Variants in TJP2 observed in about 807,000 individuals in gnomAD.
The protein encoded by TJP2 is Friedreich ataxia region gene X104 (tight junction protein ZO-2).
In TJP2, 91 loss-of-function variants were observed where a neutral mutation model predicts 133.1. The observed-to-expected ratio is 0.68, with a 90% CI of 0.58 to 0.81. The LOEUF is 0.81. Among genes scored for constraint, TJP2 ranks in the 40% least tolerant of loss-of-function variants. The pLI is 0.00. For synonymous variants in TJP2, 592 were observed against 583.4 expected (o/e 1.01, Z -0.21); for missense variants, 1,541 against 1,565.6 (o/e 0.98, Z 0.26).
At position 69,249,412 on chromosome 9, in the gene TJP2, TGAG is replaced by T; in HGVS notation, c.2923_2925del (p.Arg975del). 3 of 1,611,942 alleles carry T rather than the reference TGAG, an allele frequency of 1.9e-6. No homozygotes were observed. Among genetic ancestry groups the T allele is most frequent in the Non-Finnish European group, 2.5e-6 (3 of 1,178,954 alleles). On this transcript the variant is annotated inframe_deletion, in exon 20 of 23. Transcript: ENST00000377245. ...CCCAGCCCAGAGCCACGAGCTCAGA[TGAG>T]GAGGGCTGCTAGCAGCGATCAACTT...
chr9:69,181,868 A>G (rs940720168), intron 1 of TJP2, among the ~76,000 whole-genome samples: 34 of 152,142 alleles, frequency 2.2e-4, no homozygotes, highest in African/African-American at 8.2e-4. Context: ...GTTGCAGCTT[A>G]AATTATGTAC....
chr9:69,156,680 C>T (rs943723531), intron 2 of TJP2, among the ~76,000 whole-genome samples: 3 of 151,732 alleles, frequency 2.0e-5, no homozygotes, highest in African/African-American at 4.8e-5. Flanking sequence ...TACAGGCGCC[C>T]GCCACTGCGC....
chr9:69,189,300 T>G (rs936108897), intron 1 of TJP2, among the ~76,000 whole-genome samples: 4 of 152,106 alleles, frequency 2.6e-5, no homozygotes, highest in African/African-American at 9.7e-5. Context: ...CACATACAAA[T>G]TTTGCTTCTT....
At chr9:69,175,456 T>G (rs1157063954) in intron 1 of TJP2, among the ~76,000 whole-genome samples, 1 of 152,228 alleles carries the variant, frequency 6.6e-6, no homozygotes, top group African/African-American at 2.4e-5. Flanking sequence ...CAGAAAGAGA[T>G]GTAATTTTCT....
At chr9:69,249,105 G>A in intron 19 of TJP2, 2 of 1,251,438 alleles carry the variant, frequency 1.6e-6, no homozygotes, top group Admixed American at 7.4e-5. Context: ...CTATAGACAT[G>A]GATATTAGTG....
Position 69,254,609 on chromosome 9 carries a change from GA to G in TJP2, c.*237del, listed in dbSNP as rs1203078711. The G allele has an allele frequency of 1.6e-6, 1 of 610,660 alleles. No individual in the cohort carries two copies. The highest frequency in any genetic ancestry group is 1.8e-5 in the African/African-American group (1 of 54,308). The allele number at this position is 610,660 out of a possible 1,614,324, so 37.8% of individuals were successfully genotyped here. A position where few individuals can be genotyped will look rare whatever the true frequency, so the allele number is the denominator to read the frequency against. On this transcript the variant is annotated 3_prime_UTR_variant, in exon 23 of 23. Transcript: ENST00000377245. Reference sequence around the variant, plus strand: ...GTGGCTTTTTGTTCAGAATTAAGCAGAACACTGCAGTCAGATCCTGTTACTT... The same window carrying G: ...GTGGCTTTTTGTTCAGAATTAAGCAGACACTGCAGTCAGATCCTGTTACTT...
At chr9:69,184,542 G>A (rs1246345760) in intron 1 of TJP2, among the ~76,000 whole-genome samples, 1 of 152,138 alleles carries the variant, frequency 6.6e-6, no homozygotes, top group African/African-American at 2.4e-5. Flanking sequence ...TCTCAAACAC[G>A]TGTACCTCGC....
At chr9:69,214,040 T>C (rs1389423426) in intron 2 of TJP2, among the ~76,000 whole-genome samples, 1 of 152,190 alleles carries the variant, frequency 6.6e-6, no homozygotes, top group Admixed American at 6.5e-5. Context: ...GATTTAAGAA[T>C]ATACAGTCAA....
chr9:69,205,674 T>C (rs889828677), intron 1 of TJP2, among the ~76,000 whole-genome samples: 4 of 152,282 alleles, frequency 2.6e-5, no homozygotes, highest in African/African-American at 9.6e-5. Flanking sequence ...TTTCACATGT[T>C]CTTTTTTCCT....
In TJP2 at chr9:69,152,862, G is replaced by A. The variant is rs1425414148; in HGVS notation, c.-10+1091G>A. Among the ~76,000 whole-genome samples, 7 of 109,080 alleles carry A rather than the reference G, an allele frequency of 6.4e-5. No homozygotes were observed. In the South Asian group the frequency reaches 2.2e-3, roughly 35 times the overall value. 71.6% of individuals were successfully genotyped at this position (109,080 alleles called of 152,430 possible). A position where few individuals can be genotyped will look rare whatever the true frequency, so the allele number is the denominator to read the frequency against. ...TTTTTTTTTTTTGAGACGGAGTCTC[G>A]CTCTGTCGCCCAGGCTGGAGTGCAG... On this transcript the variant is annotated intron_variant, in intron 2 of 5. Transcript: ENST00000423935.
At chr9:69,151,493 A>AG (rs1272261145) in intron 1 of TJP2, among the ~76,000 whole-genome samples, 1 of 151,894 alleles carries the variant, frequency 6.6e-6, no homozygotes, top group Non-Finnish European at 1.5e-5. Context: ...AAAAAAAAAA[A>AG]AAGGATTGTG....
intron 2 of TJP2, among the ~76,000 whole-genome samples, chr9:69,166,995 G>C (rs1421402033): frequency 6.6e-6 from 1 of 151,758 alleles, no homozygotes; most frequent in Non-Finnish European, 1.5e-5. Context: ...CACTTTCGGA[G>C]GCCAAGACGG....
intron 1 of TJP2, among the ~76,000 whole-genome samples, chr9:69,139,633 T>C (rs1050008337): frequency 6.6e-6 from 1 of 152,166 alleles, no homozygotes; most frequent in Admixed American, 6.5e-5. Flanking sequence ...TGTGGTATTT[T>C]GTTGTGGCAG....
intron 17 of TJP2, among the ~76,000 whole-genome samples, chr9:69,244,255 A>G (rs1023487791): frequency 2.0e-4 from 30 of 151,752 alleles, no homozygotes; most frequent in Non-Finnish European, 1.3e-4. Flanking sequence ...TACAGCTGTC[A>G]TCACAACCAA....
intron 3 of TJP2, among the ~76,000 whole-genome samples, chr9:69,217,005 T>G (rs1828438732): frequency 6.7e-6 from 1 of 149,898 alleles, no homozygotes; most frequent in Admixed American, 6.6e-5. Context: ...TTTTTTTTTT[T>G]TCAGACAGAG....
chr9:69,151,658 A>C, exon 2 of TJP2: 1 of 1,232,140 alleles, frequency 8.1e-7, no homozygotes, highest in Non-Finnish European at 1.0e-6. Flanking sequence ...CAGGGTGCGA[A>C]GTACCACATT....
rs936141032 is a variant in TJP2, at chr9:69,181,078, A to G, written c.60+6646A>G. Reference sequence around the variant, plus strand: ...TTCCTGACATTTATATAGTGAGTAGATGATCGTTTGTTAGAATTGCGAATT... The same window carrying G: ...TTCCTGACATTTATATAGTGAGTAGGTGATCGTTTGTTAGAATTGCGAATT... On this transcript the variant is annotated intron_variant, in intron 1 of 22. Coordinates refer to ENST00000377245, the MANE Select transcript of TJP2 (RefSeq NM_004817.4). Among the ~76,000 whole-genome samples, 10 of 152,212 alleles carry G rather than the reference A, an allele frequency of 6.6e-5. 1 individual carries two copies. In the South Asian group the frequency reaches 8.3e-4, roughly 13 times the overall value.
intron 11 of TJP2, among the ~76,000 whole-genome samples, chr9:69,231,492 C>T (rs1309933952): frequency 6.6e-6 from 1 of 151,668 alleles, no homozygotes; most frequent in Non-Finnish European, 1.5e-5. Flanking sequence ...AGTAAAAAAT[C>T]CATATGTAGT....
intron 1 of TJP2, among the ~76,000 whole-genome samples, chr9:69,203,174 C>G (rs1242571517): frequency 7.0e-6 from 1 of 142,998 alleles, no homozygotes; most frequent in African/African-American, 2.5e-5. Flanking sequence ...TCCTCTGCAC[C>G]TGGAGCTAGT....
Sources: gnomAD v4.1 joint callset for allele counts (sites outside exome capture counted in the v4.1 genomes callset) on GRCh38, gnomAD v4.1.1 for gene constraint, MANE v1.5 for transcripts, NCBI Gene and HGNC (gene_info 2026-07-23, HGNC 2026-07-21) for gene names.